C10orf88: variants seen among roughly 807,000 people sequenced by gnomAD.
C10orf88 encodes ATPase PAAT.
Under a neutral mutation model 34.2 loss-of-function variants are expected in C10orf88, and 29 were observed. The observed-to-expected ratio is 0.85, with a 90% CI of 0.63 to 1.16. The LOEUF (loss-of-function observed/expected upper bound fraction) is 1.16. C10orf88 is among the 50% of genes most tolerant of loss of function. The pLI, the probability that C10orf88 is intolerant of heterozygous loss-of-function variation, is 0.00. For missense variants in C10orf88, 507 were observed against 533.2 expected (o/e 0.95, Z 0.48); for synonymous variants, 194 against 197.4 (o/e 0.98, Z 0.15).
At chr10:122,948,591 A>G in intron 4 of C10orf88, 58 bp downstream of exon 4, 1 of 1,507,696 alleles carries the variant, frequency 6.6e-7, no homozygotes, top group Middle Eastern at 1.7e-4. Context: ...TTTCTTTACT[A>G]AAAGCAATGG....
At chr10:122,949,946 T>A (rs1278543932) in intron 3 of C10orf88, among the ~76,000 whole-genome samples, 2 of 152,236 alleles carry the variant, frequency 1.3e-5, no homozygotes, top group African/African-American at 4.8e-5. Context: ...TTCTAACTTG[T>A]TAAAGGACAC....
At chr10:122,934,950 A>G (rs1455798276) in intron 5 of C10orf88, among the ~76,000 whole-genome samples, 1 of 152,052 alleles carries the variant, frequency 6.6e-6, no homozygotes, top group Admixed American at 6.6e-5. Context: ...TGCTATTTGT[A>G]TATCCTGTCT....
chr10:122,947,416 A>T (rs1430940592), intron 4 of C10orf88, among the ~76,000 whole-genome samples: 1 of 152,230 alleles, frequency 6.6e-6, no homozygotes, highest in East Asian at 1.9e-4. Context: ...ATATTGAAAA[A>T]AATATTAATT....
At chr10:122,946,431 C>T (rs1433867379) in intron 4 of C10orf88, among the ~76,000 whole-genome samples, 2 of 152,084 alleles carry the variant, frequency 1.3e-5, no homozygotes, top group Non-Finnish European at 2.9e-5. Flanking sequence ...TATACAGGTT[C>T]GTAACCTAGG....
intron 3 of C10orf88, among the ~76,000 whole-genome samples, chr10:122,951,155 A>G (rs1421913509): frequency 6.6e-6 from 1 of 152,186 alleles, no homozygotes; most frequent in Non-Finnish European, 1.5e-5. Flanking sequence ...TACCTTAACA[A>G]TATTTTTCAT....
At chr10:122,950,894 G>A (rs914426295) in intron 3 of C10orf88, among the ~76,000 whole-genome samples, 3 of 152,140 alleles carry the variant, frequency 2.0e-5, no homozygotes, top group Middle Eastern at 3.2e-3. Context: ...CTATCTGCCT[G>A]TAAAAATCAC....
At chr10:122,944,830 C>G (rs1369024358) in intron 4 of C10orf88, among the ~76,000 whole-genome samples, 1 of 151,012 alleles carries the variant, frequency 6.6e-6, no homozygotes, top group Non-Finnish European at 1.5e-5. Context: ...TATCTCTAAA[C>G]TTGAAAAAAA....
At chr10:122,953,976 G>A (rs1433454793) in intron 1 of C10orf88, 39 bp downstream of exon 1, 1 of 1,479,832 alleles carries the variant, frequency 6.8e-7, no homozygotes, top group Non-Finnish European at 8.9e-7. Flanking sequence ...CGCGGCAGTT[G>A]CCGAGCATAG....
chr10:122,941,117 A>G (rs563533683), intron 4 of C10orf88, among the ~76,000 whole-genome samples: 21 of 152,170 alleles, frequency 1.4e-4, no homozygotes, highest in African/African-American at 4.8e-4. Flanking sequence ...TTTATTTTGA[A>G]GGAGAAAAAA....
chr10:122,952,715 C>T lies in C10orf88; in HGVS notation c.368+114G>A, dbSNP rs922096008. The stretch of plus-strand genomic sequence containing the variant: ...TCTATGCCTACTGGCACATTTTTAT[C>T]TTCTCTCCCATAACATATGGTATCA... On this transcript the variant is annotated intron_variant, in intron 2 of 5. Transcript: ENST00000481909. 1.2e-5 allele frequency: 15 copies of T among 1,302,940 alleles called. No homozygotes were observed. In the Admixed American group the frequency reaches 2.5e-4, roughly 22 times the overall value. The allele number at this position is 1,302,940 out of a possible 1,614,324, so 80.7% of individuals were successfully genotyped here.
intron 4 of C10orf88, among the ~76,000 whole-genome samples, chr10:122,940,967 A>T (rs1050124717): frequency 5.3e-5 from 8 of 152,206 alleles, no homozygotes; most frequent in African/African-American, 1.9e-4. Context: ...TACACACAAT[A>T]GAGATTTCTG....
chr10:122,941,580 G>A (rs918478102), intron 4 of C10orf88, among the ~76,000 whole-genome samples: 1 of 152,052 alleles, frequency 6.6e-6, no homozygotes, highest in African/African-American at 2.4e-5. Flanking sequence ...TGTGCAGAAA[G>A]TTACACAGCT....
intron 4 of C10orf88, among the ~76,000 whole-genome samples, chr10:122,946,404 T>C (rs1589696986): frequency 1.3e-5 from 2 of 152,294 alleles, no homozygotes; most frequent in Non-Finnish European, 2.9e-5. Context: ...CCTAGAGTAT[T>C]CTGTAAAGTA....
At chr10:122,932,771 C>T (rs2133326517) in intron 5 of C10orf88, 110 bp from the exon 6 acceptor site, 2 of 740,152 alleles carry the variant, frequency 2.7e-6, no homozygotes, top group South Asian at 3.8e-5. Context: ...CACAACTGTG[C>T]TCTGTCTTCT....
At position 122,952,954 on chromosome 10, in the gene C10orf88, A is replaced by T; in HGVS notation, c.243T>A (p.Pro81=). ...NPCFLYLRCG[P]DGGEEIASIG... is the part of the protein sequence containing the mutation. ...TAGAAGCGATTTCTTCACCTCCATC[A>T]GGGCCACACCTCAGGTAAAGGAAGC... The change falls in exon 2 of 6, where the codon CCT becomes CCA. Residue 81 remains proline (P), a synonymous_variant. Transcript: ENST00000481909. 6.2e-7 allele frequency: 1 copy of T among 1,614,158 alleles called. No individual in the cohort carries two copies. The highest frequency in any genetic ancestry group is 8.5e-7 in the Non-Finnish European group (1 of 1,180,016).
At chr10:122,952,720 C>T (rs1221070883) in intron 2 of C10orf88, 109 bp downstream of exon 2, 1 of 1,340,044 alleles carries the variant, frequency 7.5e-7, no homozygotes, top group Non-Finnish European at 1.0e-6. Context: ...TTTATCTTCT[C>T]TCCCATAACA....
intron 4 of C10orf88, 41 bp from the exon 5 acceptor site, chr10:122,938,200 T>C (rs1480021042): frequency 1.3e-6 from 2 of 1,481,638 alleles, no homozygotes; most frequent in Admixed American, 4.2e-5. Flanking sequence ...TTAATAACAC[T>C]GACAGCTAAC....
chr10:122,943,011 T>C (rs762024600), intron 4 of C10orf88, among the ~76,000 whole-genome samples: 3 of 151,382 alleles, frequency 2.0e-5, no homozygotes, highest in Admixed American at 1.3e-4. Flanking sequence ...CTTCACAGAA[T>C]TGGAAAAACT....
Position 122,938,125 on chromosome 10 carries a change from A to G in C10orf88, c.683T>C (p.Val228Ala). The G allele has an allele frequency of 1.2e-6, 2 of 1,608,068 alleles. No homozygotes were observed. The highest frequency in any genetic ancestry group is 1.1e-5 in the South Asian group (1 of 90,552). ...ATGCTTGTATCCAGAATTGCCCAAC[A>G]CCGACTGAAGCTGCTCTCCAATGGG... ...CIPIGEQLQS[V>A]LGNSGYKHMI... The change falls in exon 5 of 6, where the codon GTG (valine) becomes GCG (alanine). Residue 228 changes from valine (V) to alanine (A), a missense_variant. Coordinates refer to ENST00000481909, the MANE Select transcript of C10orf88 (RefSeq NM_024942.4).
Sources: allele counts gnomAD v4.1 joint callset (sites outside exome capture counted in the v4.1 genomes callset), GRCh38; gene constraint gnomAD v4.1.1; transcripts MANE v1.5; gene names NCBI Gene and HGNC (gene_info 2026-07-23, HGNC 2026-07-21).